The following CC2D2B variants were observed in gnomAD, a reference collection of about 807,000 sequenced individuals.
CC2D2B encodes protein CC2D2B.
In CC2D2B, 128 loss-of-function variants were observed where a neutral mutation model predicts 161.2. The observed-to-expected ratio is 0.79, with a 90% CI of 0.69 to 0.92. CC2D2B has a LOEUF of 0.92. CC2D2B is among the 40% of genes least tolerant of loss of function. The pLI, the probability that CC2D2B is intolerant of heterozygous loss-of-function variation, is 0.00. For missense variants in CC2D2B, 1,173 were observed against 1,375.1 expected (o/e 0.85, Z 2.32); for synonymous variants, 391 against 449.8 (o/e 0.87, Z 1.65).
At chr10:96,021,916 A>T (rs2079478928) in intron 32 of CC2D2B, among the ~76,000 whole-genome samples, 1 of 152,238 alleles carries the variant, frequency 6.6e-6, no homozygotes, top group African/African-American at 2.4e-5. Flanking sequence ...GATGTTCATT[A>T]CATTATTCTC....
chr10:95,937,981 T>TATTCAACAG lies in CC2D2B; in HGVS notation c.337-8_337dup. On this transcript the variant is annotated splice_polypyrimidine_tract_variant and intron_variant, in intron 6 of 34. Coordinates refer to ENST00000646931, the MANE Select transcript of CC2D2B (RefSeq NM_001349008.3). ...CATGTAAACTTATTTTCCTTTTTGG[T>TATTCAACAG]ATTCAACAGAGACCAGTAAACCGTA... 6.7e-7 allele frequency: 1 copy of TATTCAACAG among 1,482,088 alleles called. No homozygotes were observed. The highest frequency in any genetic ancestry group is 9.2e-7 in the Non-Finnish European group (1 of 1,088,182). The allele number at this position is 1,482,088 out of a possible 1,614,324, so 91.8% of individuals were successfully genotyped here.
chr10:95,976,410 T>C (rs1472287208), intron 17 of CC2D2B, among the ~76,000 whole-genome samples: 1 of 152,236 alleles, frequency 6.6e-6, no homozygotes, highest in Non-Finnish European at 1.5e-5. Context: ...AACAGTTACA[T>C]GCAAGAGTGG....
chr10:95,960,578 T>A (rs1590613047), intron 11 of CC2D2B, among the ~76,000 whole-genome samples: 1 of 152,244 alleles, frequency 6.6e-6, no homozygotes, highest in African/African-American at 2.4e-5. Context: ...AGTGGCACAA[T>A]CACGGCTCAC....
In CC2D2B at chr10:96,022,970, G is replaced by A. The variant is rs951449116; in HGVS notation, c.3889-1883G>A. On this transcript the variant is annotated intron_variant, in intron 32 of 34. Transcript: ENST00000646931. ...AAAAGTCAGGAATGAGAATGGTCCC[G>A]ACAGATAGCAGGAACAGCGAATGGG... is the stretch of plus-strand genomic sequence containing the variant. 5.9e-5 allele frequency among the ~76,000 whole-genome samples: 9 copies of A among 152,288 alleles called. No individual in the cohort carries two copies. The East Asian group carries it at 9.6e-4, about 16-fold the overall frequency.
At chr10:95,977,364 ACT>A (rs1478648333) in intron 17 of CC2D2B, among the ~76,000 whole-genome samples, 4 of 152,128 alleles carry the variant, frequency 2.6e-5, no homozygotes, top group Non-Finnish European at 5.9e-5. Context: ...ACAGAGTGAG[ACT>A]CTGTCTCAAT....
intron 33 of CC2D2B, 124 bp from the exon 34 acceptor site, chr10:96,027,088 A>G: frequency 1.6e-6 from 1 of 636,616 alleles, no homozygotes; most frequent in Non-Finnish European, 2.5e-6. Flanking sequence ...TCACCATTGC[A>G]CTCCAGCCTG....
chr10:95,973,859 C>T (rs1253033285), intron 16 of CC2D2B, 150 bp from the exon 17 acceptor site: 3 of 311,624 alleles, frequency 9.6e-6, no homozygotes, highest in Non-Finnish European at 1.6e-5. Context: ...AAAACTCTGT[C>T]TCAAAAAAAA....
intron 5 of CC2D2B, among the ~76,000 whole-genome samples, chr10:95,926,848 C>CTGTGTCTG (rs2098540000): frequency 9.4e-6 from 1 of 106,902 alleles, no homozygotes; most frequent in Non-Finnish European, 1.9e-5. Flanking sequence ...GTGTGTGTGT[C>CTGTGTCTG]TGTGTGTGTG....
At chr10:96,027,506 T>C (rs2079834418) in intron 34 of CC2D2B, 117 bp downstream of exon 34, 1 of 661,904 alleles carries the variant, frequency 1.5e-6, no homozygotes, top group South Asian at 2.4e-5. Context: ...TAAAGATAGA[T>C]GCTATAGCAT....
Position 95,981,341 on chromosome 10 carries a change from C to T in CC2D2B, c.1944-634C>T, listed in dbSNP as rs764588527. ...CTGGGAGGCAGAGGTTGCAGTGAGC[C>T]GGGATCGCGCCACCGCACTCCAGCC... On this transcript the variant is annotated intron_variant, in intron 17 of 34. Coordinates refer to ENST00000646931, the MANE Select transcript of CC2D2B (RefSeq NM_001349008.3). Among the ~76,000 whole-genome samples the T allele has an allele frequency of 4.2e-5, 6 of 144,472 alleles. No individual in the cohort carries two copies. The South Asian group carries it at 6.5e-4, about 16-fold the overall frequency. 94.8% of individuals were successfully genotyped at this position (144,472 alleles called of 152,430 possible). A position where few individuals can be genotyped will look rare whatever the true frequency, so the allele number is the denominator to read the frequency against.
Position 95,955,493 on chromosome 10 carries a change from T to C in CC2D2B, c.1109+2T>C. The C allele has an allele frequency of 2.5e-6, 1 of 398,158 alleles. No individual in the cohort carries two copies. Among genetic ancestry groups the C allele is most frequent in the Non-Finnish European group, 4.4e-6 (1 of 225,482 alleles). The allele number at this position is 398,158 out of a possible 1,614,324, so 24.7% of individuals were successfully genotyped here. On this transcript the variant is annotated splice_donor_variant, in intron 11 of 34. Coordinates refer to ENST00000646931, the MANE Select transcript of CC2D2B (RefSeq NM_001349008.3). LOFTEE classifies it high-confidence loss of function. Reference sequence around the variant, plus strand: ...ACAAGATTATTATTGGCAAATAAGGTAGGTTTTGAGCCATTCATGTTCATC... The same window carrying C: ...ACAAGATTATTATTGGCAAATAAGGCAGGTTTTGAGCCATTCATGTTCATC...
intron 6 of CC2D2B, among the ~76,000 whole-genome samples, chr10:95,933,594 G>T (rs145379122): frequency 6.6e-6 from 1 of 152,124 alleles, no homozygotes; most frequent in Non-Finnish European, 1.5e-5. Context: ...TGTTGATGTT[G>T]ATGCTATTCC....
chr10:95,964,585 T>C (rs778331896), intron 12 of CC2D2B, among the ~76,000 whole-genome samples: 17 of 152,144 alleles, frequency 1.1e-4, no homozygotes, highest in Non-Finnish European at 2.1e-4. Context: ...CTTAAATTAG[T>C]GCATTTAATC....
At chr10:95,988,603 CTT>C (rs2077825793) in intron 20 of CC2D2B, among the ~76,000 whole-genome samples, 1 of 152,166 alleles carries the variant, frequency 6.6e-6, no homozygotes, top group Non-Finnish European at 1.5e-5. Context: ...CCCATCTCTT[CTT>C]TGACTCTAAA....
At chr10:95,908,252 T>C (rs1211178209) in intron 1 of CC2D2B, among the ~76,000 whole-genome samples, 195 bp downstream of exon 1, 1 of 152,224 alleles carries the variant, frequency 6.6e-6, no homozygotes, top group Non-Finnish European at 1.5e-5. Flanking sequence ...ATGAGTAGAA[T>C]TGAAAATCAC....
chr10:96,010,622 G>A (rs1234405212), intron 26 of CC2D2B, among the ~76,000 whole-genome samples: 1 of 152,164 alleles, frequency 6.6e-6, no homozygotes, highest in African/African-American at 2.4e-5. Flanking sequence ...GTACTTTACT[G>A]TTCCTGGGTT....
intron 29 of CC2D2B, 53 bp from the exon 30 acceptor site, chr10:96,016,148 C>A: frequency 8.2e-7 from 1 of 1,222,038 alleles, no homozygotes; most frequent in South Asian, 1.2e-5. Flanking sequence ...TTGCGTTACT[C>A]AACTTTCCCG....
intron 6 of CC2D2B, 89 bp downstream of exon 6, chr10:95,927,421 A>C: frequency 1.4e-6 from 1 of 723,504 alleles, no homozygotes; most frequent in Non-Finnish European, 2.4e-6. Context: ...CTTGGACGGG[A>C]GATAAAGTTT....
intron 9 of CC2D2B, among the ~76,000 whole-genome samples, chr10:95,945,941 C>T (rs1048297681): frequency 7.2e-5 from 11 of 151,936 alleles, no homozygotes; most frequent in South Asian, 4.1e-4. Context: ...TGCACCACCA[C>T]GCCTGGCTAA....
Sources: allele counts gnomAD v4.1 joint callset (sites outside exome capture counted in the v4.1 genomes callset), GRCh38; gene constraint gnomAD v4.1.1; transcripts MANE v1.5; gene names NCBI Gene and HGNC (gene_info 2026-07-23, HGNC 2026-07-21).